Variants in TRIM27 observed in about 807,000 individuals in gnomAD.
TRIM27 encodes the protein zinc finger protein RFP.
TRIM27 carries 12 observed loss-of-function variants against 57.6 expected under a neutral mutation model. That is an observed-to-expected ratio of 0.21 (90% CI 0.13 to 0.34). The LOEUF (loss-of-function observed/expected upper bound fraction) is 0.34. Among genes scored for constraint, TRIM27 ranks in the 10% least tolerant of loss-of-function variants. The pLI, the probability that TRIM27 is intolerant of heterozygous loss-of-function variation, is 1.00. For synonymous variants in TRIM27, 266 were observed against 259.0 expected, an observed-to-expected ratio of 1.03 and a Z score of -0.26; for missense variants, 403 against 656.8, an observed-to-expected ratio of 0.61 and a Z score of 4.22.
intron 7 of TRIM27, chr6:28,905,307 T>C (rs1437345199): frequency 6.6e-6 from 1 of 152,304 alleles, no homozygotes; most frequent in Non-Finnish European, 1.5e-5. Context: ...TTACAGGTTT[T>C]AGACAGGCAG....
At chr6:28,916,676 G>T (rs1474726717) in intron 3 of TRIM27, among the ~76,000 whole-genome samples, 1 of 152,136 alleles carries the variant, frequency 6.6e-6, no homozygotes, top group Admixed American at 6.6e-5. Flanking sequence ...GAAATGAGGA[G>T]TGATTGCTTA....
At chr6:28,919,364 CGCCACACTAAAATAT>C in intron 3 of TRIM27, among the ~76,000 whole-genome samples, 1 of 152,272 alleles carries the variant, frequency 6.6e-6, no homozygotes, top group Middle Eastern at 3.4e-3. Flanking sequence ...ACTATCTGAT[CGCCACACTAAAATAT>C]AATTCAGGAA....
Position 28,921,886 on chromosome 6 carries a change from C to G in TRIM27, c.516+6G>C. ...AGAACCAACTGTGAATTCCAACAAC[C>G]CTTACCAAGAGTTCAGCTCGTGCCT... On this transcript the variant is annotated splice_donor_region_variant and intron_variant, in intron 2 of 7. Coordinates refer to ENST00000377199, the MANE Select transcript of TRIM27 (RefSeq NM_006510.5). 1 of 1,610,488 alleles carries G rather than the reference C, an allele frequency of 6.2e-7. No individual in the cohort carries two copies. The highest frequency in any genetic ancestry group is 8.5e-7 in the Non-Finnish European group (1 of 1,177,768).
Position 28,904,706 on chromosome 6 carries a change from G to A in TRIM27, c.947-41C>T. 6.5e-7 allele frequency: 1 copy of A among 1,529,240 alleles called. No individual in the cohort carries two copies. The highest frequency in any genetic ancestry group is 8.8e-7 in the Non-Finnish European group (1 of 1,136,452). 94.7% of individuals were successfully genotyped at this position (1,529,240 alleles called of 1,614,324 possible). ...GAAGACAGTCAGCCGTGGGCCAGGA[G>A]AGCCTATTTTAGAACACCCAGCGCC... On this transcript the variant is annotated intron_variant, in intron 7 of 7. Transcript: ENST00000377199. This position sits in a 1 kb window ranked among gnomAD's most constrained non-coding sequence, Gnocchi z 6.1.
chr6:28,914,468 CTTATT>C (rs1310551709), intron 3 of TRIM27, among the ~76,000 whole-genome samples: 1 of 150,528 alleles, frequency 6.6e-6, no homozygotes, highest in Non-Finnish European at 1.5e-5. Context: ...ATAATATGTG[CTTATT>C]TTATATGTGC....
At chr6:28,905,720 T>C (rs1037247279) in intron 7 of TRIM27, 10 of 152,322 alleles carry the variant, frequency 6.6e-5, no homozygotes, top group African/African-American at 2.2e-4. Context: ...TTATCCATTC[T>C]ATAAGATCTT....
In TRIM27 at chr6:28,909,078, T is replaced by C. The variant is rs1772983798; in HGVS notation, c.781A>G (p.Ile261Val). ...IGDTLSRAER[I>V]RIPEPWITPP... ...GTGATCCAAGGTTCAGGAATCCTGA[T>C]TCTTTCAGCCCTAAATTTAAAAAAC... The change falls in exon 5 of 8, where the codon ATC becomes GTC. Residue 261 changes from isoleucine to valine, a missense_variant. Ile to Val is a conservative substitution (Grantham distance 29, BLOSUM62 3). Coordinates refer to ENST00000377199, the MANE Select transcript of TRIM27 (RefSeq NM_006510.5). 6.2e-7 allele frequency: 1 copy of C among 1,606,184 alleles called. No individual in the cohort carries two copies. Among genetic ancestry groups the C allele is most frequent in the African/African-American group, 1.3e-5 (1 of 74,654 alleles).
rs553216993 is a variant in TRIM27, at chr6:28,906,945, T to C, written c.946+291A>G. On this transcript the variant is annotated intron_variant, in intron 7 of 7. Coordinates refer to ENST00000377199, the MANE Select transcript of TRIM27 (RefSeq NM_006510.5). ...CTGGGCGGGCAGAGCAGTGTACTAG[T>C]GTACCAGCTCTGTTCTACTTTTGGG... 942 of 400,486 alleles carry C rather than the reference T, an allele frequency of 2.4e-3. 3 individuals carry two copies. The highest frequency in any genetic ancestry group is 4.7e-3 in the Admixed American group (111 of 23,652). 24.8% of individuals were successfully genotyped at this position (400,486 alleles called of 1,614,324 possible). A position where few individuals can be genotyped will look rare whatever the true frequency, so the allele number is the denominator to read the frequency against.
chr6:28,919,396 T>C (rs1773858622), intron 3 of TRIM27, among the ~76,000 whole-genome samples: 1 of 152,192 alleles, frequency 6.6e-6, no homozygotes, highest in Non-Finnish European at 1.5e-5. Flanking sequence ...GGAAAGCTTA[T>C]TTGGCACTTA....
Position 28,920,231 on chromosome 6 carries a change from C to T in TRIM27, c.528G>A (p.Gln176=). 1.9e-6 allele frequency: 3 copies of T among 1,606,950 alleles called. No homozygotes were observed. The highest frequency in any genetic ancestry group is 2.6e-6 in the Non-Finnish European group (3 of 1,175,400). ...QARAELLSLT[Q]MEREKIVWEF... is the part of the protein sequence containing the mutation. ...CCCAAACAATCTTCTCCCTCTCCAT[C>T]TGGGTTAGGCTCTATGCAGACGACA... Residue 176 remains glutamine, a synonymous_variant, in exon 3 of 8, where the codon CAG becomes CAA. Transcript: ENST00000377199.
intron 4 of TRIM27, among the ~76,000 whole-genome samples, chr6:28,910,435 T>C (rs181634339): frequency 7.2e-5 from 11 of 152,254 alleles, no homozygotes; most frequent in African/African-American, 2.4e-4. Context: ...GTTTGAGCAA[T>C]TGTCCTGCCT....
At chr6:28,908,597 C>T (rs2150464235) in intron 6 of TRIM27, 1 of 516,176 alleles carries the variant, frequency 1.9e-6, no homozygotes, top group South Asian at 3.4e-5. Context: ...TCAATGCAGA[C>T]TGCGAATTGA....
At chr6:28,918,772 A>G (rs910053659) in intron 3 of TRIM27, among the ~76,000 whole-genome samples, 1 of 151,922 alleles carries the variant, frequency 6.6e-6, no homozygotes, top group African/African-American at 2.4e-5. Flanking sequence ...GCTACTCAGG[A>G]GGTTGAGGCA....
At chr6:28,913,686 A>G (rs189799672) in intron 3 of TRIM27, among the ~76,000 whole-genome samples, 21 of 150,950 alleles carry the variant, frequency 1.4e-4, no homozygotes, top group Non-Finnish European at 1.9e-4. Flanking sequence ...TTCTCTTATT[A>G]TAAGTACAGC....
At position 28,907,831 on chromosome 6, in the gene TRIM27, T is replaced by C. The variant is rs543577625; in HGVS notation, c.920-569A>G. The C allele has an allele frequency of 1.5e-5, 5 of 341,966 alleles. No homozygotes were observed. The South Asian group carries it at 1.6e-4, about 11-fold the overall frequency. 21.2% of individuals were successfully genotyped at this position (341,966 alleles called of 1,614,324 possible). On this transcript the variant is annotated intron_variant, in intron 6 of 7. Coordinates refer to ENST00000377199, the MANE Select transcript of TRIM27 (RefSeq NM_006510.5). ...TTCTGGTATTATCCACTGTATTGAG[T>C]GGAGTTTCTCCCCATTTGTCTTGCT...
At chr6:28,922,657 CTG>C (rs1360802870) in intron 1 of TRIM27, among the ~76,000 whole-genome samples, 1 of 152,190 alleles carries the variant, frequency 6.6e-6, no homozygotes, top group East Asian at 1.9e-4. Context: ...ACAAAGGGCT[CTG>C]TGAGTCACAT....
chr6:28,921,152 G>C (rs2150492079), intron 2 of TRIM27, among the ~76,000 whole-genome samples: 1 of 152,280 alleles, frequency 6.6e-6, no homozygotes, highest in South Asian at 2.1e-4. Context: ...AGGCTGAGGT[G>C]GGCGGATCAC....
chr6:28,916,078 G>A (rs1773578157), intron 3 of TRIM27, among the ~76,000 whole-genome samples: 1 of 151,740 alleles, frequency 6.6e-6, no homozygotes, highest in African/African-American at 2.4e-5. Context: ...CACCACGCCT[G>A]GCTAATTTTT....
intron 6 of TRIM27, chr6:28,908,492 C>T (rs896831407): frequency 1.7e-5 from 6 of 352,616 alleles, no homozygotes; most frequent in East Asian, 1.5e-4. Flanking sequence ...TCAAGTGAAA[C>T]GTATCCAAGG....
Sources: gnomAD v4.1 joint callset for allele counts (sites outside exome capture counted in the v4.1 genomes callset) on GRCh38, gnomAD v4.1.1 for gene constraint, Gnocchi (gnomAD v3.1) non-coding constraint, MANE v1.5 for transcripts, NCBI Gene and HGNC (gene_info 2026-07-23, HGNC 2026-07-21) for gene names.